ATP7A: variants seen among roughly 807,000 people sequenced by gnomAD.
ATP7A encodes ATPase copper transporting alpha, also known as copper-transporting ATPase 1.
Under a neutral mutation model 83.5 loss-of-function variants are expected in ATP7A, and 7 were observed. The observed-to-expected ratio is 0.08, with a 90% CI of 0.05 to 0.16. ATP7A has a LOEUF of 0.16. Ranked by LOEUF, ATP7A falls within the 10% of genes least tolerant of loss-of-function variation. The probability of loss-of-function intolerance (pLI) is 1.00; values close to 1 mark genes in which losing one functional copy is unlikely to be tolerated. For synonymous variants in ATP7A, 354 were observed against 395.2 expected (o/e 0.90, Z 1.24); for missense variants, 940 against 1,120.8 (o/e 0.84, Z 2.30).
chrX:77,983,924 A>G (rs1466747204), intron 2 of ATP7A, among the ~76,000 whole-genome samples: 5 of 111,347 alleles, frequency 4.5e-5, no homozygotes, highest in Non-Finnish European at 9.4e-5. Context: ...GCCTTAAGTG[A>G]TACACCCACC....
intron 4 of ATP7A, among the ~76,000 whole-genome samples, chrX:77,991,658 C>T (rs1213708002): frequency 9.0e-6 from 1 of 111,382 alleles, no homozygotes; most frequent in African/African-American, 3.3e-5. Flanking sequence ...TTCAAAGTAG[C>T]TGTTCCATTT....
Position 78,013,077 on chromosome X carries a change from A to G in ATP7A, c.2371A>G (p.Ile791Val), listed in dbSNP as rs782509229. Residue 791 changes from isoleucine (I) to valine (V), a missense_variant, in exon 10 of 23, where the codon ATT becomes GTT. Transcript: ENST00000341514. The part of the protein sequence containing the change: ...FDTPPMLFVF[I>V]ALGRWLEHIA... The stretch of plus-strand genomic sequence containing the variant: ...CACACCCCCTATGCTGTTTGTGTTT[A>G]TTGCACTAGGCCGATGGCTGGAACA... 4 of 1,210,574 alleles carry G rather than the reference A, an allele frequency of 3.3e-6. No individual in the cohort carries two copies. The highest frequency in any genetic ancestry group is 3.4e-6 in the Non-Finnish European group (3 of 894,431).
intron 1 of ATP7A, among the ~76,000 whole-genome samples, chrX:77,911,693 C>G (rs782607299): frequency 9.0e-6 from 1 of 110,555 alleles, no homozygotes; most frequent in Non-Finnish European, 1.9e-5. Flanking sequence ...CCTGTAATAC[C>G]AACACTTTGG....
At chrX:77,946,903 A>T (rs782389956) in intron 1 of ATP7A, among the ~76,000 whole-genome samples, 35 of 111,406 alleles carry the variant, frequency 3.1e-4, no homozygotes, top group Non-Finnish European at 4.9e-4. Context: ...CCACTTCTGG[A>T]CGTATACCCA....
chrX:78,046,671 T>C lies in ATP7A; in HGVS notation c.*101T>C. On this transcript the variant is annotated 3_prime_UTR_variant, in exon 23 of 23. Coordinates refer to ENST00000341514, the MANE Select transcript of ATP7A (RefSeq NM_000052.7). ...AAATATTGTAGAAGGATTTTTCTCA[T>C]GCTCTTATATTAGGGATTCTATTTG... The C allele has an allele frequency of 9.4e-7, 1 of 1,058,211 alleles. No individual in the cohort carries two copies. The highest frequency in any genetic ancestry group is 1.8e-5 in the African/African-American group (1 of 54,906). 87.2% of individuals were successfully genotyped at this position (1,058,211 alleles called of 1,213,427 possible).
chrX:77,918,644 A>C (rs1343978836), intron 1 of ATP7A, among the ~76,000 whole-genome samples: 1 of 111,276 alleles, frequency 9.0e-6, no homozygotes, highest in East Asian at 2.8e-4. Context: ...GGGAGCCAGC[A>C]TGGAGCTTTA....
rs2077651454 is a variant in ATP7A at position 77,988,486 on chromosome X, A to G, written c.365A>G (p.Lys122Arg). Residue 122 changes from lysine to arginine, a missense_variant, in exon 3 of 23, where the codon AAA (lysine) becomes AGA (arginine). Transcript: ENST00000341514. ...ACAGACATTAAAATTTACCCTCAGA[A>G]AAGAACTGTAGCAGTGACAATAATC... is the stretch of plus-strand genomic sequence containing the variant. ...GVTDIKIYPQ[K>R]RTVAVTIIPS... 1 of 1,209,941 alleles carries G rather than the reference A, an allele frequency of 8.3e-7. No individual in the cohort carries two copies. The highest frequency in any genetic ancestry group is 1.7e-5 in the African/African-American group (1 of 57,151).
At chrX:77,944,601 T>A (rs1485410246) in intron 1 of ATP7A, among the ~76,000 whole-genome samples, 1 of 109,321 alleles carries the variant, frequency 9.1e-6, no homozygotes, top group Admixed American at 1.0e-4. Context: ...TCAGATAATT[T>A]TTTTTAAAAA....
intron 5 of ATP7A, 136 bp downstream of exon 5, chrX:77,998,820 C>A: frequency 1.5e-6 from 1 of 678,672 alleles, no homozygotes; most frequent in Non-Finnish European, 2.3e-6. Flanking sequence ...TGTGGGACAA[C>A]CCCGATGTCC....
intron 1 of ATP7A, among the ~76,000 whole-genome samples, chrX:77,936,303 T>TCAG (rs1332219665): frequency 8.9e-6 from 1 of 112,275 alleles, no homozygotes; most frequent in Admixed American, 9.5e-5. Flanking sequence ...CTTGGTTTTA[T>TCAG]CAGTGCCTGA....
At chrX:78,031,838 T>C (rs111837201) in intron 16 of ATP7A, among the ~76,000 whole-genome samples, 58 of 112,167 alleles carry the variant, frequency 5.2e-4, no homozygotes, top group Non-Finnish European at 9.6e-4. Context: ...TTATACATAT[T>C]TGTGGTAGGA....
At chrX:77,927,292 A>G (rs1242560926) in intron 1 of ATP7A, among the ~76,000 whole-genome samples, 3 of 110,920 alleles carry the variant, frequency 2.7e-5, no homozygotes, top group Non-Finnish European at 5.7e-5. Flanking sequence ...ATCTGGTATG[A>G]TTTCTAACAA....
In ATP7A at chrX:77,927,999, G is replaced by A. The variant is rs202052140; in HGVS notation, c.-22+17164G>A. Among the ~76,000 whole-genome samples the A allele has an allele frequency of 5.4e-5, 6 of 110,292 alleles. No individual in the cohort carries two copies. The East Asian group carries it at 1.7e-3, about 31-fold the overall frequency. ...TATATTTTAAGGCTTTTTTTGAGAC[G>A]GGGTCTCACTCTGTCACCCAGACTG... On this transcript the variant is annotated intron_variant, in intron 1 of 22. Transcript: ENST00000341514.
At chrX:77,989,087 T>C (rs782759519) in intron 3 of ATP7A, 146 bp from the exon 4 acceptor site, 1 of 744,303 alleles carries the variant, frequency 1.3e-6, no homozygotes, top group African/African-American at 2.2e-5. Context: ...GCCAATAACA[T>C]TTTCTGAAAA....
intron 1 of ATP7A, chrX:77,962,575 T>C (rs782204029): frequency 9.1e-6 from 3 of 330,371 alleles, no homozygotes; most frequent in East Asian, 8.0e-5. Flanking sequence ...TGAGGTGTTA[T>C]GAGTTTCTTC....
chrX:77,918,903 A>G (rs1458007208), intron 1 of ATP7A, among the ~76,000 whole-genome samples: 2 of 111,421 alleles, frequency 1.8e-5, no homozygotes, highest in African/African-American at 3.3e-5. Context: ...CACGTTTATC[A>G]TTTGACTCTC....
chrX:77,987,733 T>C (rs1366597262), intron 2 of ATP7A, among the ~76,000 whole-genome samples: 1 of 111,458 alleles, frequency 9.0e-6, no homozygotes, highest in African/African-American at 3.3e-5. Flanking sequence ...AGGCTTATAC[T>C]TTTCTTGCCA....
intron 15 of ATP7A, among the ~76,000 whole-genome samples, chrX:78,030,176 A>G (rs1557236889): frequency 8.9e-6 from 1 of 112,509 alleles, no homozygotes; most frequent in Non-Finnish European, 1.9e-5. Flanking sequence ...CTGTAATCCC[A>G]GCACTTTGGG....
Position 78,003,247 on chromosome X carries a change from T to C in ATP7A, c.1707+11T>C, listed in dbSNP as rs782342480. On this transcript the variant is annotated intron_variant, in intron 6 of 22. Coordinates refer to ENST00000341514, the MANE Select transcript of ATP7A (RefSeq NM_000052.7). ...GTTTTGGAACTTGTTGTAAGTAAGA[T>C]TTTTTGTGTGATTAATAAAACTTCC... The C allele has an allele frequency of 8.3e-7, 1 of 1,204,054 alleles. No individual in the cohort carries two copies. The highest frequency in any genetic ancestry group is 2.2e-5 in the Admixed American group (1 of 45,879).
Sources: allele counts gnomAD v4.1 joint callset (sites outside exome capture counted in the v4.1 genomes callset), GRCh38; gene constraint gnomAD v4.1.1; transcripts MANE v1.5; gene names NCBI Gene and HGNC (gene_info 2026-07-23, HGNC 2026-07-21).